The following C2CD5 variants were observed in gnomAD, a reference collection of about 807,000 sequenced individuals.
C2CD5 encodes the protein C2 calcium dependent domain containing 5.
A neutral mutation model predicts 130.3 loss-of-function variants in C2CD5; 109 were observed. The ratio of observed to expected loss-of-function variants is 0.84; its 90% CI spans 0.72 to 0.98. C2CD5 has a LOEUF of 0.98. Among genes scored for constraint, C2CD5 ranks in the 50% least tolerant of loss-of-function variants. The pLI, the probability that C2CD5 is intolerant of heterozygous loss-of-function variation, is 0.00. For synonymous variants in C2CD5, 454 were observed against 429.2 expected (o/e 1.06, Z -0.71); for missense variants, 996 against 1,261.8 (o/e 0.79, Z 3.19).
At chr12:22,491,130 G>A (rs1409292998) in intron 11 of C2CD5, among the ~76,000 whole-genome samples, 2 of 152,142 alleles carry the variant, frequency 1.3e-5, no homozygotes, top group African/African-American at 4.8e-5. Context: ...GCATGGGCTG[G>A]AACAGAAAAG....
intron 12 of C2CD5, 108 bp downstream of exon 12, chr12:22,490,015 T>C (rs1946133824): frequency 4.2e-6 from 3 of 713,386 alleles, no homozygotes; most frequent in South Asian, 1.7e-5. Flanking sequence ...TTCTACACTG[T>C]ACCCCTGTAA....
Position 22,472,726 on chromosome 12 carries a change from G to A in C2CD5, c.2107+18C>T, listed in dbSNP as rs760159838. On this transcript the variant is annotated intron_variant, in intron 17 of 26. Transcript: ENST00000446597. ...TATGTAAAACTAGTTTCATCTCAAA[G>A]ATAACTTTTTTGTTCACCTGAAGGA... The A allele has an allele frequency of 2.1e-6, 3 of 1,399,844 alleles. No homozygotes were observed. Among genetic ancestry groups the A allele is most frequent in the Non-Finnish European group, 1.0e-6 (1 of 986,892 alleles). 86.7% of individuals were successfully genotyped at this position (1,399,844 alleles called of 1,614,324 possible).
intron 12 of C2CD5, among the ~76,000 whole-genome samples, chr12:22,487,626 T>C (rs1160383590): frequency 6.6e-6 from 1 of 152,010 alleles, no homozygotes; most frequent in Non-Finnish European, 1.5e-5. Context: ...AGTTCAACCA[T>C]TGTGGAAGTC....
At chr12:22,452,349 C>T (rs530373659) in intron 26 of C2CD5, among the ~76,000 whole-genome samples, 13 of 152,180 alleles carry the variant, frequency 8.5e-5, no homozygotes, top group Admixed American at 7.2e-4. Flanking sequence ...AGAGGTAGTT[C>T]GCAGCCCTCC....
In C2CD5 at chr12:22,491,053, T is replaced by C. The variant is rs1946282218; in HGVS notation, c.1263-835A>G. Reference sequence around the variant, plus strand: ...AAGGAATAACATGAAACCACTGATGTCTTCGAATCAAGAAGTTATAAGAGC... The same window carrying C: ...AAGGAATAACATGAAACCACTGATGCCTTCGAATCAAGAAGTTATAAGAGC... On this transcript the variant is annotated intron_variant, in intron 11 of 26. Coordinates refer to ENST00000446597, the MANE Select transcript of C2CD5 (RefSeq NM_001286176.2). 2.0e-5 allele frequency among the ~76,000 whole-genome samples: 3 copies of C among 152,230 alleles called. No individual in the cohort carries two copies. In the South Asian group the frequency reaches 6.2e-4, roughly 31 times the overall value.
chr12:22,463,659 CTAAGA>C (rs909418375), intron 22 of C2CD5: 32 of 151,418 alleles, frequency 2.1e-4, no homozygotes, highest in African/African-American at 7.1e-4. Context: ...ACCAAACAAA[CTAAGA>C]TAAATACAGG....
At chr12:22,522,022 C>T (rs915739152) in intron 7 of C2CD5, among the ~76,000 whole-genome samples, 9 of 152,106 alleles carry the variant, frequency 5.9e-5, no homozygotes, top group South Asian at 2.1e-4. Context: ...GACTGCAGTC[C>T]GAATCTGTCC....
intron 3 of C2CD5, among the ~76,000 whole-genome samples, chr12:22,532,690 T>G (rs1951415034): frequency 1.3e-5 from 2 of 152,160 alleles, no homozygotes; most frequent in Non-Finnish European, 2.9e-5. Context: ...TCTTCCATCT[T>G]CAGGTATCAG....
rs779130024 is a variant in C2CD5, at chr12:22,544,162, C to T, written c.-12G>A. 6.2e-7 allele frequency: 1 copy of T among 1,613,660 alleles called. No homozygotes were observed. The highest frequency in any genetic ancestry group is 8.5e-7 in the Non-Finnish European group (1 of 1,179,638). ...AGCTTCCCTGGCATGGTCTCGGTTT[C>T]GGCCTCTTCTTGGGCTCCTGCAGAA... On this transcript the variant is annotated 5_prime_UTR_variant, in exon 2 of 27. Coordinates refer to ENST00000446597, the MANE Select transcript of C2CD5 (RefSeq NM_001286176.2).
At chr12:22,460,496 CATT>C (rs1940896161) in intron 22 of C2CD5, 5 of 152,074 alleles carry the variant, frequency 3.3e-5, no homozygotes, top group Admixed American at 3.3e-4. Context: ...CTTTTCAAAA[CATT>C]ATTTGTACAG....
Position 22,518,095 on chromosome 12 carries a change from T to C in C2CD5, c.843A>G (p.Ser281=), listed in dbSNP as rs756497888. Residue 281 remains serine, a synonymous_variant, in exon 8 of 27, where the codon TCA becomes TCG. Transcript: ENST00000446597. ...GGTTTTTCAGAGGGGTTGAGGGTCCTGATGAGTGAGTATTGGGATTGGGAT... is the reference window on the plus strand; with the variant it reads ...GGTTTTTCAGAGGGGTTGAGGGTCCCGATGAGTGAGTATTGGGATTGGGAT... ...NEDPNPNTHS[S]GPSTPLKNQT... is the part of the protein sequence containing the mutation. The C allele has an allele frequency of 3.1e-6, 5 of 1,613,716 alleles. No individual in the cohort carries two copies. The highest frequency in any genetic ancestry group is 4.2e-6 in the Non-Finnish European group (5 of 1,179,636).
intron 10 of C2CD5, among the ~76,000 whole-genome samples, chr12:22,504,955 CG>C (rs1009505271): frequency 3.3e-5 from 5 of 150,990 alleles, no homozygotes; most frequent in Admixed American, 3.3e-4. Context: ...AAATAAGAAA[CG>C]GGGGGAAAAA....
intron 25 of C2CD5, 146 bp from the exon 26 acceptor site, chr12:22,454,188 T>C: frequency 1.6e-6 from 1 of 620,086 alleles, no homozygotes; most frequent in East Asian, 2.9e-5. Context: ...CAATGGGGAT[T>C]TACTGCATGA....
chr12:22,526,602 T>G (rs1315100044), intron 4 of C2CD5, among the ~76,000 whole-genome samples: 1 of 152,164 alleles, frequency 6.6e-6, no homozygotes. Flanking sequence ...CCAGGAGTAG[T>G]GGCTCATGCC....
At position 22,544,469 on chromosome 12, in the gene C2CD5, T is replaced by G. The variant is rs1952757685; in HGVS notation, c.-179A>C. ...CCCAGTCAGCATCCCGTTGAGCCTC[T>G]GCCGCCCCTGCTTGTCTCTCCTCCC... is the stretch of plus-strand genomic sequence containing the variant. On this transcript the variant is annotated 5_prime_UTR_variant, in exon 1 of 27. Coordinates refer to ENST00000446597, the MANE Select transcript of C2CD5 (RefSeq NM_001286176.2). 4.5e-6 allele frequency: 1 copy of G among 221,822 alleles called. No individual in the cohort carries two copies. The highest frequency in any genetic ancestry group is 2.3e-5 in the African/African-American group (1 of 43,136). The allele number at this position is 221,822 out of a possible 1,614,324, so 13.7% of individuals were successfully genotyped here. A position where few individuals can be genotyped will look rare whatever the true frequency, so the allele number is the denominator to read the frequency against.
chr12:22,544,400 G>T lies in C2CD5; in HGVS notation c.-110C>A, dbSNP rs1952748195. Reference sequence around the variant, plus strand: ...GGCGGCGGGAGGAAGGGCTTTGATGGGTTCTTCCGTCCCGGCCCCACAAGG... The same window carrying T: ...GGCGGCGGGAGGAAGGGCTTTGATGTGTTCTTCCGTCCCGGCCCCACAAGG... On this transcript the variant is annotated 5_prime_UTR_variant, in exon 1 of 27. Transcript: ENST00000446597. 5.1e-6 allele frequency: 2 copies of T among 389,782 alleles called. No homozygotes were observed. Among genetic ancestry groups the T allele is most frequent in the East Asian group, 9.8e-5 (2 of 20,396 alleles). The allele number at this position is 389,782 out of a possible 1,614,324, so 24.1% of individuals were successfully genotyped here. A position where few individuals can be genotyped will look rare whatever the true frequency, so the allele number is the denominator to read the frequency against.
intron 9 of C2CD5, among the ~76,000 whole-genome samples, chr12:22,508,963 G>A (rs1009354605): frequency 2.0e-5 from 3 of 149,828 alleles, no homozygotes; most frequent in African/African-American, 4.9e-5. Context: ...TGCAAGCTCC[G>A]CTTCCCGGGT....
In C2CD5 at chr12:22,511,427, C is replaced by T. The variant is rs183891647; in HGVS notation, c.1038+1867G>A. ...AATAGGAAAGCCAAAGATGATAATG[C>T]TTTGGCTGCTTACTTTGTACACAAG... On this transcript the variant is annotated intron_variant, in intron 9 of 26. Coordinates refer to ENST00000446597, the MANE Select transcript of C2CD5 (RefSeq NM_001286176.2). 1.8e-4 allele frequency among the ~76,000 whole-genome samples: 28 copies of T among 152,224 alleles called. No individual in the cohort carries two copies. The East Asian group carries it at 2.9e-3, about 16-fold the overall frequency.
Position 22,449,647 on chromosome 12 carries a change from C to G in C2CD5, c.*113G>C, listed in dbSNP as rs565007137. On this transcript the variant is annotated 3_prime_UTR_variant, in exon 27 of 27. Coordinates refer to ENST00000446597, the MANE Select transcript of C2CD5 (RefSeq NM_001286176.2). The stretch of plus-strand genomic sequence containing the variant: ...AGACTCCAGGCAAATCAAATCTACT[C>G]AATTCTTCCTTATTTATCTCAAGTT... The G allele has an allele frequency of 1.0e-6, 1 of 962,200 alleles. No homozygotes were observed. Among genetic ancestry groups the G allele is most frequent in the African/African-American group, 1.6e-5 (1 of 61,494 alleles). The allele number at this position is 962,200 out of a possible 1,614,324, so 59.6% of individuals were successfully genotyped here. A position where few individuals can be genotyped will look rare whatever the true frequency, so the allele number is the denominator to read the frequency against.
Sources: gnomAD v4.1 joint callset for allele counts (sites outside exome capture counted in the v4.1 genomes callset) on GRCh38, gnomAD v4.1.1 for gene constraint, MANE v1.5 for transcripts, NCBI Gene and HGNC (gene_info 2026-07-23, HGNC 2026-07-21) for gene names.